BRINP3: variants seen among roughly 807,000 people sequenced by gnomAD.
BRINP3 encodes the protein BMP/retinoic acid-inducible neural-specific protein 3.
In BRINP3, 19 loss-of-function variants were observed where a neutral mutation model predicts 71.0. That is an observed-to-expected ratio of 0.27 (90% CI 0.19 to 0.39). The LOEUF is 0.39. BRINP3 is among the 10% of genes least tolerant of loss of function. The probability of loss-of-function intolerance (pLI) is 1.00; values close to 1 mark genes in which losing one functional copy is unlikely to be tolerated. For missense variants in BRINP3, 959 were observed against 940.8 expected (o/e 1.02, Z -0.25); for synonymous variants, 380 against 337.7 (o/e 1.13, Z -1.37).
rs954011003 is a variant in BRINP3 at position 190,284,888 on chromosome 1, T to C, written c.237-3138A>G. 2.0e-5 allele frequency among the ~76,000 whole-genome samples: 3 copies of C among 152,190 alleles called. No homozygotes were observed. The South Asian group carries it at 6.2e-4, about 32-fold the overall frequency. On this transcript the variant is annotated intron_variant, in intron 2 of 7. Transcript: ENST00000367462. ...ATTTTCTTAATTTCAAGAAACTTAATCTTCCAGTTTTCTCCCCATATTTTC... is the reference window on the plus strand; with the variant it reads ...ATTTTCTTAATTTCAAGAAACTTAACCTTCCAGTTTTCTCCCCATATTTTC...
intron 4 of BRINP3, among the ~76,000 whole-genome samples, chr1:190,253,092 G>A (rs1438586107): frequency 2.6e-5 from 4 of 151,970 alleles, no homozygotes; most frequent in Non-Finnish European, 1.5e-5. Context: ...TCATTTCCCT[G>A]CAAAGGACAT....
At chr1:190,457,377 G>A (rs1571363182) in intron 1 of BRINP3, among the ~76,000 whole-genome samples, 2 of 152,240 alleles carry the variant, frequency 1.3e-5, no homozygotes, top group East Asian at 1.9e-4. Context: ...CTGGGAGACA[G>A]GGGTTGCGGT....
At chr1:190,116,964 C>T (rs1298155277) in intron 7 of BRINP3, among the ~76,000 whole-genome samples, 1 of 152,042 alleles carries the variant, frequency 6.6e-6, no homozygotes, top group African/African-American at 2.4e-5. Context: ...AAGCTTATGA[C>T]TTGTTTAAAT....
chr1:190,264,622 A>C (rs1366612549), intron 4 of BRINP3, among the ~76,000 whole-genome samples: 1 of 152,184 alleles, frequency 6.6e-6, no homozygotes, highest in Non-Finnish European at 1.5e-5. Context: ...CATACAATTC[A>C]AATATACTTT....
rs1003021039 is a variant in BRINP3, at chr1:190,245,598, AT to A, written c.619-11122del. 2.2e-3 allele frequency among the ~76,000 whole-genome samples: 332 copies of A among 151,266 alleles called. 2 individuals carry two copies. Among genetic ancestry groups the A allele is most frequent in the African/African-American group, 7.4e-3 (305 of 41,268 alleles). ...AATGGAAAGGACAAGAAGTTTAGTG[AT>A]TTTTTTTTCTTTTTTTATTAAACTT... On this transcript the variant is annotated intron_variant, in intron 4 of 7. Transcript: ENST00000367462.
chr1:190,111,200 A>AAC (rs1652658430), intron 7 of BRINP3, among the ~76,000 whole-genome samples: 1 of 145,818 alleles, frequency 6.9e-6, no homozygotes, highest in Non-Finnish European at 1.5e-5. Context: ...AAAAAAAAAA[A>AAC]AAAAAAAACT....
At chr1:190,348,383 T>C (rs1425942494) in intron 2 of BRINP3, among the ~76,000 whole-genome samples, 2 of 152,156 alleles carry the variant, frequency 1.3e-5, no homozygotes, top group Non-Finnish European at 2.9e-5. Flanking sequence ...CAAAATGTTC[T>C]ACTAGTAACT....
At chr1:190,173,118 T>G (rs1217714318) in intron 6 of BRINP3, among the ~76,000 whole-genome samples, 3 of 152,184 alleles carry the variant, frequency 2.0e-5, no homozygotes, top group Admixed American at 6.6e-5. Flanking sequence ...ATTTTCCTGT[T>G]TAAAAACAGA....
At chr1:190,232,761 T>C (rs1424726722) in intron 5 of BRINP3, among the ~76,000 whole-genome samples, 1 of 152,106 alleles carries the variant, frequency 6.6e-6, no homozygotes, top group Non-Finnish European at 1.5e-5. Context: ...CAATAAATCT[T>C]GTTAGTAAAT....
At chr1:190,329,632 A>T (rs527788497) in intron 2 of BRINP3, among the ~76,000 whole-genome samples, 1 of 152,138 alleles carries the variant, frequency 6.6e-6, no homozygotes, top group African/African-American at 2.4e-5. Flanking sequence ...TTTTTTTCAC[A>T]GAATTATGAA....
chr1:190,203,828 G>C (rs1655255253), intron 6 of BRINP3, among the ~76,000 whole-genome samples: 1 of 102,222 alleles, frequency 9.8e-6, no homozygotes, highest in South Asian at 3.2e-4. Context: ...TGAAAACAAA[G>C]GGCACGTTGG....
chr1:190,319,415 T>C (rs890921747), intron 2 of BRINP3, among the ~76,000 whole-genome samples: 1 of 152,140 alleles, frequency 6.6e-6, no homozygotes, highest in African/African-American at 2.4e-5. Flanking sequence ...ATTACTTCCC[T>C]GTTTCCATTA....
rs762848405 is a variant in BRINP3, at chr1:190,098,562, A to C, written c.1757T>G (p.Met586Arg). The C allele has an allele frequency of 2.5e-6, 4 of 1,614,178 alleles. 1 individual carries two copies. The highest frequency in any genetic ancestry group is 3.3e-5 in the Admixed American group (2 of 60,024). ...FGGSHSESWF[M>R]PVNENSFPDW... is the part of the protein sequence containing the mutation. ...TGGAAAGCTGTTTTCATTCACAGGCATAAACCAGCTCTCAGAGTGGCTGCC... is the reference window on the plus strand; with the variant it reads ...TGGAAAGCTGTTTTCATTCACAGGCCTAAACCAGCTCTCAGAGTGGCTGCC... The change falls in exon 8 of 8, where the codon ATG (methionine) becomes AGG (arginine). Residue 586 changes from methionine (M) to arginine (R), a missense_variant. Transcript: ENST00000367462.
intron 1 of BRINP3, chr1:190,474,550 G>C (rs992412976): frequency 6.6e-6 from 1 of 152,624 alleles, no homozygotes; most frequent in Admixed American, 6.5e-5. Context: ...TGACTAGATA[G>C]AATATTTTTA....
At chr1:190,263,078 C>T (rs1212549379) in intron 4 of BRINP3, among the ~76,000 whole-genome samples, 1 of 151,972 alleles carries the variant, frequency 6.6e-6, no homozygotes, top group Non-Finnish European at 1.5e-5. Flanking sequence ...TGAACAGCAA[C>T]AACAAAAATC....
At chr1:190,195,439 T>G (rs1654394468) in intron 6 of BRINP3, among the ~76,000 whole-genome samples, 1 of 152,004 alleles carries the variant, frequency 6.6e-6, no homozygotes, top group Non-Finnish European at 1.5e-5. Context: ...ATCCTAGCCC[T>G]GCAGTTTTGT....
At chr1:190,458,114 A>G (rs1384011591) in intron 1 of BRINP3, among the ~76,000 whole-genome samples, 1 of 152,088 alleles carries the variant, frequency 6.6e-6, no homozygotes, top group Non-Finnish European at 1.5e-5. Flanking sequence ...TGAGGTAATT[A>G]TCACATAATT....
chr1:190,336,872 C>CTCCT (rs1190506147), intron 2 of BRINP3, among the ~76,000 whole-genome samples: 13 of 138,018 alleles, frequency 9.4e-5, no homozygotes, highest in South Asian at 5.0e-4. Flanking sequence ...CCTTCCTTCC[C>CTCCT]TCCTTCCTTC....
At chr1:190,158,291 C>T (rs1571867519) in intron 7 of BRINP3, among the ~76,000 whole-genome samples, 7 of 152,168 alleles carry the variant, frequency 4.6e-5, no homozygotes, top group Middle Eastern at 3.4e-3. Context: ...TGTCTTCTGC[C>T]ATGATTGTGA....
Sources: gnomAD v4.1 joint callset for allele counts (sites outside exome capture counted in the v4.1 genomes callset) on GRCh38, gnomAD v4.1.1 for gene constraint, MANE v1.5 for transcripts, NCBI Gene and HGNC (gene_info 2026-07-23, HGNC 2026-07-21) for gene names.